The following PAPSS2 variants were observed in gnomAD, a reference collection of about 807,000 sequenced individuals.
PAPSS2 encodes 3'-phosphoadenosine 5'-phosphosulfate synthase 2.
PAPSS2 carries 61 observed loss-of-function variants against 66.5 expected under a neutral mutation model. The observed-to-expected ratio is 0.92, with a 90% confidence interval of 0.75 to 1.14. PAPSS2 has a LOEUF of 1.14. Ranked by LOEUF, PAPSS2 falls within the 50% of genes most tolerant of loss-of-function variation. The probability of loss-of-function intolerance (pLI) is 0.00; values close to 1 mark genes in which losing one functional copy is unlikely to be tolerated. For synonymous variants in PAPSS2, 289 were observed against 287.5 expected (o/e 1.01, Z -0.05); for missense variants, 708 against 789.6 (o/e 0.90, Z 1.24).
intron 1 of PAPSS2, among the ~76,000 whole-genome samples, chr10:87,688,617 G>T (rs1458509948): frequency 6.6e-6 from 1 of 151,650 alleles, no homozygotes; most frequent in African/African-American, 2.4e-5. Flanking sequence ...CCGCCACCAC[G>T]CCTGGCTAAT....
chr10:87,727,184 A>G, intron 8 of PAPSS2, 100 bp from the exon 9 acceptor site: 1 of 1,017,366 alleles, frequency 9.8e-7, no homozygotes, highest in East Asian at 2.4e-5. Flanking sequence ...ATGCTTCTTG[A>G]AGGAAATGTT....
At chr10:87,674,963 C>G (rs1366046109) in intron 1 of PAPSS2, among the ~76,000 whole-genome samples, 1 of 152,208 alleles carries the variant, frequency 6.6e-6, no homozygotes, top group African/African-American at 2.4e-5. Flanking sequence ...TATGCACACA[C>G]AGACACAGAT....
rs5786791 is a variant in PAPSS2, at chr10:87,746,405, C to CCAA, written c.*435_*436insCAA. The CCAA allele has an allele frequency of 4.0e-5, 6 of 150,120 alleles. No individual in the cohort carries two copies. Among genetic ancestry groups the CCAA allele is most frequent in the East Asian group, 1.9e-4 (1 of 5,172 alleles). The allele number at this position is 150,120 out of a possible 1,614,324, so 9.3% of individuals were successfully genotyped here. On this transcript the variant is annotated 3_prime_UTR_variant, in exon 13 of 13. Coordinates refer to ENST00000456849, the MANE Select transcript of PAPSS2 (RefSeq NM_001015880.2). The stretch of plus-strand genomic sequence containing the variant: ...ATTGTGTCCTCTTCTGTACAATTGA[C>CCAA]AAAAAAAAAAATTTTTTTTTCTCAC...
intron 1 of PAPSS2, among the ~76,000 whole-genome samples, chr10:87,684,043 G>A (rs992468948): frequency 2.0e-5 from 3 of 152,162 alleles, no homozygotes; most frequent in African/African-American, 7.2e-5. Context: ...AAATAGAGAC[G>A]TGACATGTAG....
intron 2 of PAPSS2, among the ~76,000 whole-genome samples, chr10:87,712,680 C>T (rs1349436769): frequency 6.6e-6 from 1 of 152,088 alleles, no homozygotes; most frequent in Non-Finnish European, 1.5e-5. Flanking sequence ...TAGTTTCGAA[C>T]TCCTGGGCTC....
At chr10:87,687,916 AT>A (rs1213938047) in intron 1 of PAPSS2, among the ~76,000 whole-genome samples, 3 of 152,188 alleles carry the variant, frequency 2.0e-5, no homozygotes, top group Admixed American at 6.5e-5. Flanking sequence ...ATTTGATGTA[AT>A]TTTTTAAATG....
chr10:87,724,233 A>G (rs1167271722), intron 8 of PAPSS2, among the ~76,000 whole-genome samples: 1 of 151,856 alleles, frequency 6.6e-6, no homozygotes, highest in African/African-American at 2.4e-5. Flanking sequence ...TAACTATCTT[A>G]TTTAGAAACA....
chr10:87,743,672 C>G (rs1454632040), intron 11 of PAPSS2, 31 bp downstream of exon 11: 3 of 1,613,104 alleles, frequency 1.9e-6, no homozygotes, highest in African/African-American at 1.3e-5. Context: ...GGCTTTGAGA[C>G]TCAGGAATTC....
intron 9 of PAPSS2, among the ~76,000 whole-genome samples, chr10:87,734,087 T>C (rs1853762952): frequency 6.6e-6 from 1 of 152,148 alleles, no homozygotes; most frequent in Non-Finnish European, 1.5e-5. Flanking sequence ...CTCCCACTCT[T>C]TAGCTAGAGT....
At chr10:87,733,012 C>A (rs371018459) in intron 9 of PAPSS2, among the ~76,000 whole-genome samples, 2 of 152,188 alleles carry the variant, frequency 1.3e-5, no homozygotes, top group East Asian at 1.9e-4. Context: ...ACCAAACACA[C>A]AAGTTTTATT....
At chr10:87,734,663 G>GTACA (rs1554867987) in intron 9 of PAPSS2, among the ~76,000 whole-genome samples, 3,510 of 80,978 alleles carry the variant, frequency 0.043, 135 homozygotes, top group Non-Finnish European at 0.051. Flanking sequence ...GAATGTGTGT[G>GTACA]TATATATATA....
At chr10:87,716,710 A>G (rs1314351981) in intron 7 of PAPSS2, among the ~76,000 whole-genome samples, 1 of 152,140 alleles carries the variant, frequency 6.6e-6, no homozygotes, top group Non-Finnish European at 1.5e-5. Context: ...CAGAATCAGA[A>G]CTCAAAGACT....
chr10:87,722,267 A>G (rs1265162917), intron 8 of PAPSS2, among the ~76,000 whole-genome samples: 1 of 152,192 alleles, frequency 6.6e-6, no homozygotes, highest in African/African-American at 2.4e-5. Flanking sequence ...TCAAGCCATT[A>G]TGGTTGCTTG....
intron 7 of PAPSS2, among the ~76,000 whole-genome samples, chr10:87,719,248 G>A (rs1221036565): frequency 6.6e-6 from 1 of 152,134 alleles, no homozygotes; most frequent in Non-Finnish European, 1.5e-5. Context: ...TGTGAGCTGC[G>A]AAGTCACACT....
chr10:87,745,368 G>A (rs1023241864), intron 12 of PAPSS2, 137 bp downstream of exon 12: 25 of 713,952 alleles, frequency 3.5e-5, no homozygotes, highest in African/African-American at 3.0e-4. Context: ...GAGTCAAGAC[G>A]TGGTCTTATA....
At chr10:87,701,331 T>TTC (rs1564716683) in intron 1 of PAPSS2, among the ~76,000 whole-genome samples, 525 of 51,638 alleles carry the variant, frequency 0.01, 1 homozygote, top group South Asian at 0.024. Flanking sequence ...TTCCTTCCTT[T>TTC]CTTTCTTTCT....
intron 1 of PAPSS2, among the ~76,000 whole-genome samples, chr10:87,706,522 T>C (rs1853391982): frequency 6.7e-6 from 1 of 148,420 alleles, no homozygotes; most frequent in South Asian, 2.1e-4. Flanking sequence ...TTTGGAAGGC[T>C]GAGGTGGGAG....
chr10:87,696,514 A>T (rs1853236400), intron 1 of PAPSS2, among the ~76,000 whole-genome samples: 2 of 152,338 alleles, frequency 1.3e-5, no homozygotes, highest in South Asian at 2.1e-4. Flanking sequence ...TGATATTTTT[A>T]AATGTTGTCC....
intron 9 of PAPSS2, among the ~76,000 whole-genome samples, chr10:87,729,011 G>A (rs564930006): frequency 6.6e-6 from 1 of 151,814 alleles, no homozygotes; most frequent in East Asian, 1.9e-4. Context: ...GTCTTGCTCT[G>A]TCATAATCAT....
Sources: gnomAD v4.1 joint callset for allele counts (sites outside exome capture counted in the v4.1 genomes callset) on GRCh38, gnomAD v4.1.1 for gene constraint, MANE v1.5 for transcripts, NCBI Gene and HGNC (gene_info 2026-07-23, HGNC 2026-07-21) for gene names.